Variants in RIT2 observed in about 807,000 individuals in gnomAD.
RIT2 encodes GTP-binding protein Rit2.
A neutral mutation model predicts 23.7 loss-of-function variants in RIT2; 24 were observed. The observed-to-expected ratio is 1.01, with a 90% CI of 0.73 to 1.43. The LOEUF is 1.43. Ranked by LOEUF, RIT2 falls within the 40% of genes most tolerant of loss-of-function variation. The pLI, the probability that RIT2 is intolerant of heterozygous loss-of-function variation, is 0.00. For synonymous variants in RIT2, 107 were observed against 91.1 expected, an observed-to-expected ratio of 1.17 and a Z score of -0.99; for missense variants, 236 against 266.9, an observed-to-expected ratio of 0.88 and a Z score of 0.81.
In RIT2 at chr18:42,743,858, C is replaced by T. The variant is rs577633482; in HGVS notation, c.427-138G>A. 77 of 635,040 alleles carry T rather than the reference C, an allele frequency of 1.2e-4. 1 individual carries two copies. The highest frequency in any genetic ancestry group is 4.5e-4 in the Admixed American group (15 of 33,670). The allele number at this position is 635,040 out of a possible 1,614,324, so 39.3% of individuals were successfully genotyped here. On this transcript the variant is annotated intron_variant, in intron 4 of 4. Transcript: ENST00000326695. Reference sequence around the variant, plus strand: ...GTATCCCCTGTGACTTGCAGGTATACGCCCAGATGGCCTGAAGTAACTGAA... The same window carrying T: ...GTATCCCCTGTGACTTGCAGGTATATGCCCAGATGGCCTGAAGTAACTGAA...
At chr18:42,774,186 T>C (rs946396466) in intron 4 of RIT2, among the ~76,000 whole-genome samples, 1 of 152,168 alleles carries the variant, frequency 6.6e-6, no homozygotes, top group African/African-American at 2.4e-5. Flanking sequence ...CTCTTTGATG[T>C]CTCACTGCAA....
At chr18:43,025,423 C>T (rs1360840941) in intron 2 of RIT2, among the ~76,000 whole-genome samples, 1 of 151,904 alleles carries the variant, frequency 6.6e-6, no homozygotes, top group African/African-American at 2.4e-5. Context: ...AGCAATCCTG[C>T]TACTGAGTAT....
chr18:42,907,900 G>A (rs1908664828), intron 4 of RIT2, among the ~76,000 whole-genome samples: 1 of 151,842 alleles, frequency 6.6e-6, no homozygotes, highest in Non-Finnish European at 1.5e-5. Context: ...AGGGTTGCTT[G>A]AGCCCAAGAT....
At chr18:42,873,624 A>G (rs1384270918) in intron 4 of RIT2, among the ~76,000 whole-genome samples, 1 of 151,992 alleles carries the variant, frequency 6.6e-6, no homozygotes, top group Non-Finnish European at 1.5e-5. Context: ...TGAGTTTTTA[A>G]TTTTAAAAAA....
intron 4 of RIT2, among the ~76,000 whole-genome samples, chr18:42,773,397 A>G (rs1913596250): frequency 6.6e-6 from 1 of 152,228 alleles, no homozygotes; most frequent in Admixed American, 6.5e-5. Context: ...ACTGATGAAA[A>G]AAACAGTTCA....
At chr18:42,965,082 G>A (rs1038804686) in intron 3 of RIT2, among the ~76,000 whole-genome samples, 1 of 152,090 alleles carries the variant, frequency 6.6e-6, no homozygotes, top group Non-Finnish European at 1.5e-5. Context: ...TGTCATGAAG[G>A]CAGGAAAAAC....
Position 42,855,929 on chromosome 18 carries a change from C to T in RIT2, c.426+67643G>A, listed in dbSNP as rs187687857. On this transcript the variant is annotated intron_variant, in intron 4 of 4. Transcript: ENST00000326695. Reference sequence around the variant, plus strand: ...GTATTTTTTTTAAGAGGCACTATGTCTGTTCTGTCTTTATTGAGAGTGATG... The same window carrying T: ...GTATTTTTTTTAAGAGGCACTATGTTTGTTCTGTCTTTATTGAGAGTGATG... 3.2e-3 allele frequency among the ~76,000 whole-genome samples: 481 copies of T among 152,198 alleles called. 4 individuals are homozygous for T. The highest frequency in any genetic ancestry group is 4.6e-3 in the Admixed American group (70 of 15,294).
rs116154374 is a variant in RIT2, at chr18:43,012,309, C to A, written c.160+21502G>T. ...GATACTGTTTTTCTTTTTTTCTTTACCTCTATAAATCAAAACCACAGTATT... is the reference window on the plus strand; with the variant it reads ...GATACTGTTTTTCTTTTTTTCTTTAACTCTATAAATCAAAACCACAGTATT... On this transcript the variant is annotated intron_variant, in intron 2 of 4. Transcript: ENST00000326695. Among the ~76,000 whole-genome samples, 870 of 151,712 alleles carry A rather than the reference C, an allele frequency of 5.7e-3. 10 individuals carry two copies. The highest frequency in any genetic ancestry group is 0.02 in the African/African-American group (829 of 41,448).
chr18:42,795,165 A>T lies in RIT2; in HGVS notation c.427-51445T>A, dbSNP rs1413221309. Among the ~76,000 whole-genome samples the T allele has an allele frequency of 6.6e-5, 10 of 152,292 alleles. No homozygotes were observed. The East Asian group carries it at 1.7e-3, about 27-fold the overall frequency. On this transcript the variant is annotated intron_variant, in intron 4 of 4. Coordinates refer to ENST00000326695, the MANE Select transcript of RIT2 (RefSeq NM_002930.4). ...TTTGGCGGCACTTGAGGAGCCCTTCAGCCCACCACTGCACTGTGGGAGCCC... is the reference window on the plus strand; with the variant it reads ...TTTGGCGGCACTTGAGGAGCCCTTCTGCCCACCACTGCACTGTGGGAGCCC...
In RIT2 at chr18:42,988,626, A is replaced by G. The variant is rs181930372; in HGVS notation, c.161-14479T>C. On this transcript the variant is annotated intron_variant, in intron 2 of 4. Transcript: ENST00000326695. ...TTTTACTTCCAGGAACTCCCTATTAAAATGCAATAAAACTACAGGAGAGGT... is the reference window on the plus strand; with the variant it reads ...TTTTACTTCCAGGAACTCCCTATTAGAATGCAATAAAACTACAGGAGAGGT... 6.0e-4 allele frequency among the ~76,000 whole-genome samples: 91 copies of G among 152,310 alleles called. 1 individual carries two copies. The East Asian group carries it at 0.016, about 27-fold the overall frequency.
chr18:42,933,407 G>A (rs1383280813), intron 3 of RIT2, among the ~76,000 whole-genome samples: 5 of 152,106 alleles, frequency 3.3e-5, no homozygotes, highest in Non-Finnish European at 7.4e-5. Context: ...GTAACCTTGT[G>A]AAATGGTTTG....
chr18:42,751,342 T>C (rs1913040877), intron 4 of RIT2, among the ~76,000 whole-genome samples: 1 of 151,866 alleles, frequency 6.6e-6, no homozygotes, highest in Non-Finnish European at 1.5e-5. Context: ...GTTGTATATC[T>C]ATAGTACATA....
At chr18:42,991,387 A>G (rs2144228109) in intron 2 of RIT2, among the ~76,000 whole-genome samples, 1 of 152,300 alleles carries the variant, frequency 6.6e-6, no homozygotes, top group South Asian at 2.1e-4. Context: ...CCAAAGCATA[A>G]TTTAGACCTG....
intron 3 of RIT2, among the ~76,000 whole-genome samples, chr18:42,958,599 A>G (rs985549374): frequency 6.6e-6 from 1 of 152,290 alleles, no homozygotes; most frequent in Non-Finnish European, 1.5e-5. Flanking sequence ...GGAAGAGGCA[A>G]AAGAATGATA....
intron 4 of RIT2, among the ~76,000 whole-genome samples, chr18:42,910,654 AG>A (rs1046258245): frequency 1.3e-5 from 2 of 152,064 alleles, no homozygotes; most frequent in Non-Finnish European, 1.5e-5. Flanking sequence ...GAATGTTGAG[AG>A]GAGTTCAGCT....
chr18:43,038,287 T>TTTAA (rs903990466), intron 1 of RIT2, among the ~76,000 whole-genome samples: 1 of 149,600 alleles, frequency 6.7e-6, no homozygotes, highest in African/African-American at 2.4e-5. Flanking sequence ...TTTTCTTTAA[T>TTTAA]TTCTAGAACT....
At chr18:43,077,042 G>GC in intron 1 of RIT2, among the ~76,000 whole-genome samples, 1 of 142,430 alleles carries the variant, frequency 7.0e-6, no homozygotes, top group South Asian at 2.3e-4. Flanking sequence ...GGCGGAGCTT[G>GC]CAGTGAGCCG....
At chr18:42,864,726 C>G (rs967768421) in intron 4 of RIT2, among the ~76,000 whole-genome samples, 1 of 152,282 alleles carries the variant, frequency 6.6e-6, no homozygotes. Context: ...CTAATGTCTT[C>G]ATTTCTGCCT....
chr18:42,911,831 A>G (rs1296247328), intron 4 of RIT2, among the ~76,000 whole-genome samples: 1 of 151,890 alleles, frequency 6.6e-6, no homozygotes, highest in Admixed American at 6.6e-5. Context: ...CCAGGCCCAG[A>G]TGGTTTCACT....
Sources: gnomAD v4.1 joint callset for allele counts (sites outside exome capture counted in the v4.1 genomes callset) on GRCh38, gnomAD v4.1.1 for gene constraint, MANE v1.5 for transcripts, NCBI Gene and HGNC (gene_info 2026-07-23, HGNC 2026-07-21) for gene names.